Variants in CDH12 observed in about 807,000 individuals in gnomAD.
CDH12 encodes the protein cadherin 12.
In CDH12, 41 loss-of-function variants were observed where a neutral mutation model predicts 74.1. The ratio of observed to expected loss-of-function variants is 0.55; its 90% CI spans 0.43 to 0.72. The LOEUF (loss-of-function observed/expected upper bound fraction) is 0.72, where lower values mean the gene tolerates loss of function less well. CDH12 is among the 30% of genes least tolerant of loss of function. The pLI is 0.00. For synonymous variants in CDH12, 399 were observed against 355.0 expected, an observed-to-expected ratio of 1.12 and a Z score of -1.39; for missense variants, 945 against 977.2, an observed-to-expected ratio of 0.97 and a Z score of 0.44.
intron 1 of CDH12, chr5:22,580,229 C>A: frequency 3.2e-6 from 1 of 314,794 alleles, no homozygotes; most frequent in Non-Finnish European, 6.4e-6. Context: ...AATGGTCAAT[C>A]TTCTAACATC....
chr5:21,763,089 A>G (rs565535897), intron 12 of CDH12, among the ~76,000 whole-genome samples: 4 of 152,268 alleles, frequency 2.6e-5, no homozygotes, highest in Admixed American at 2.6e-4. Flanking sequence ...AAGGTGATAA[A>G]TTTTAAGTGC....
intron 4 of CDH12, among the ~76,000 whole-genome samples, chr5:22,157,114 A>G (rs1307260268): frequency 6.6e-6 from 1 of 150,782 alleles, no homozygotes; most frequent in Non-Finnish European, 1.5e-5. Flanking sequence ...AGGAAAATCA[A>G]TAACTTCCTT....
chr5:22,295,129 C>T (rs1031608069), intron 3 of CDH12, among the ~76,000 whole-genome samples: 12 of 152,140 alleles, frequency 7.9e-5, no homozygotes, highest in Non-Finnish European at 1.8e-4. Flanking sequence ...GCAAAGTTGA[C>T]GTCACTGCCT....
At chr5:22,810,762 A>G (rs896518914) in intron 1 of CDH12, among the ~76,000 whole-genome samples, 2 of 152,098 alleles carry the variant, frequency 1.3e-5, no homozygotes, top group African/African-American at 4.8e-5. Flanking sequence ...GCATGTAGGC[A>G]TGTACCAGCT....
At chr5:22,715,606 C>A (rs1181938942) in intron 1 of CDH12, among the ~76,000 whole-genome samples, 1 of 151,498 alleles carries the variant, frequency 6.6e-6, no homozygotes, top group Non-Finnish European at 1.5e-5. Flanking sequence ...AGTTCGAGAC[C>A]AGCCTGACCA....
chr5:22,602,521 A>C (rs1196591771), intron 1 of CDH12, among the ~76,000 whole-genome samples: 2 of 152,132 alleles, frequency 1.3e-5, no homozygotes, highest in African/African-American at 4.8e-5. Context: ...TTGTTTTCCT[A>C]AAGTAATAAT....
chr5:22,548,586 C>T (rs925865243), intron 1 of CDH12, among the ~76,000 whole-genome samples: 6 of 152,060 alleles, frequency 3.9e-5, no homozygotes, highest in African/African-American at 9.7e-5. Flanking sequence ...GTTGGTGTCT[C>T]TCCCTGTGTT....
intron 4 of CDH12, among the ~76,000 whole-genome samples, chr5:22,175,421 G>T (rs529929260): frequency 6.6e-6 from 1 of 151,670 alleles, no homozygotes; most frequent in Admixed American, 6.6e-5. Flanking sequence ...AGAAGTTCAG[G>T]ATCAAACAGA....
At chr5:22,590,873 T>C (rs546814438) in intron 1 of CDH12, among the ~76,000 whole-genome samples, 11 of 152,296 alleles carry the variant, frequency 7.2e-5, no homozygotes, top group South Asian at 2.1e-4. Context: ...TTTTGTCTCA[T>C]ACATTTCTCT....
chr5:22,379,602 G>A (rs1204419782), intron 3 of CDH12, among the ~76,000 whole-genome samples: 1 of 152,112 alleles, frequency 6.6e-6, no homozygotes, highest in African/African-American at 2.4e-5. Flanking sequence ...TATCTCCTGT[G>A]CAATTCTAAT....
intron 2 of CDH12, among the ~76,000 whole-genome samples, chr5:22,456,790 A>G (rs1745293753): frequency 6.6e-6 from 1 of 152,176 alleles, no homozygotes; most frequent in Non-Finnish European, 1.5e-5. Flanking sequence ...GATATGTGTC[A>G]CCTAGCAGTA....
At chr5:22,139,161 TGTA>T (rs1247591529) in intron 4 of CDH12, 6 of 148,436 alleles carry the variant, frequency 4.0e-5, no homozygotes, top group Non-Finnish European at 7.4e-5. Context: ...TATGATTTAA[TGTA>T]GTGATGAAAG....
chr5:21,988,187 C>T (rs564253222), intron 5 of CDH12, among the ~76,000 whole-genome samples: 63 of 152,190 alleles, frequency 4.1e-4, no homozygotes, highest in Non-Finnish European at 6.8e-4. Flanking sequence ...ATGACAATAG[C>T]TCTGCAATAT....
At chr5:22,496,944 C>A (rs1747126805) in intron 2 of CDH12, among the ~76,000 whole-genome samples, 2 of 152,116 alleles carry the variant, frequency 1.3e-5, no homozygotes, top group East Asian at 1.9e-4. Context: ...TGAGTAAAAT[C>A]ATTCTATTGT....
chr5:22,421,173 T>C (rs1370706212), intron 2 of CDH12, among the ~76,000 whole-genome samples: 7 of 152,138 alleles, frequency 4.6e-5, no homozygotes, highest in African/African-American at 1.7e-4. Flanking sequence ...CCTATCTGAA[T>C]ACCTTTTATT....
chr5:22,489,912 CT>C (rs1231106031), intron 2 of CDH12, among the ~76,000 whole-genome samples: 1 of 151,904 alleles, frequency 6.6e-6, no homozygotes, highest in Admixed American at 6.6e-5. Context: ...AATTCCTGAG[CT>C]CAAGTGAGAT....
chr5:22,532,350 G>GATAT (rs71609770), intron 1 of CDH12, among the ~76,000 whole-genome samples: 633 of 27,524 alleles, frequency 0.023, 142 homozygotes, highest in Non-Finnish European at 0.027. Context: ...ATATAAATAG[G>GATAT]ATATATATAT....
chr5:21,809,565 CT>C (rs1175389181), intron 9 of CDH12, among the ~76,000 whole-genome samples: 1 of 152,116 alleles, frequency 6.6e-6, no homozygotes. Flanking sequence ...CTTCTTTGAG[CT>C]TCAGCTTTCC....
intron 2 of CDH12, among the ~76,000 whole-genome samples, chr5:22,454,295 A>T (rs1580665950): frequency 6.6e-6 from 1 of 152,150 alleles, no homozygotes. Flanking sequence ...ATAAAACTTA[A>T]ATTTTACTGA....
Sources: allele counts gnomAD v4.1 joint callset (sites outside exome capture counted in the v4.1 genomes callset), GRCh38; gene constraint gnomAD v4.1.1; transcripts MANE v1.5; gene names NCBI Gene and HGNC (gene_info 2026-07-23, HGNC 2026-07-21).